NAA35: variants seen among roughly 807,000 people sequenced by gnomAD.
NAA35 encodes the protein MAK10 homolog, amino-acid N-acetyltransferase subunit.
A neutral mutation model predicts 101.7 loss-of-function variants in NAA35; 18 were observed. That is an observed-to-expected ratio of 0.18 (90% CI 0.12 to 0.26). The LOEUF (loss-of-function observed/expected upper bound fraction) is 0.26. NAA35 is among the 10% of genes least tolerant of loss of function. NAA35 has a pLI of 1.00. For synonymous variants in NAA35, 267 were observed against 273.1 expected, an observed-to-expected ratio of 0.98 and a Z score of 0.22; for missense variants, 601 against 886.8, an observed-to-expected ratio of 0.68 and a Z score of 4.09.
At chr9:85,983,395 T>C (rs1261570464) in intron 11 of NAA35, among the ~76,000 whole-genome samples, 2 of 152,258 alleles carry the variant, frequency 1.3e-5, no homozygotes, top group East Asian at 3.9e-4. Context: ...TATGCTAATT[T>C]CAGCAATTCC....
chr9:85,960,298 G>A (rs1020186723), intron 5 of NAA35, among the ~76,000 whole-genome samples: 1 of 152,002 alleles, frequency 6.6e-6, no homozygotes, highest in African/African-American at 2.4e-5. Context: ...TTAGTGATTT[G>A]TATATGCTGA....
intron 14 of NAA35, among the ~76,000 whole-genome samples, chr9:86,009,157 T>G (rs1296403520): frequency 6.6e-6 from 1 of 152,222 alleles, no homozygotes; most frequent in Non-Finnish European, 1.5e-5. Context: ...ATTTTTAGAT[T>G]GAGAGAGCCT....
rs193176296 is a variant in NAA35 at position 86,023,481 on chromosome 9, C to T, written c.*1521C>T. On this transcript the variant is annotated 3_prime_UTR_variant, in exon 23 of 23. Transcript: ENST00000361671. ...AGAATGAGCATGGACATTTGGCAAA[C>T]AACCAAGAAGAGAGCCTGAAGCAAG... 3.3e-5 allele frequency among the ~76,000 whole-genome samples: 5 copies of T among 152,266 alleles called. No individual in the cohort carries two copies. Among genetic ancestry groups the T allele is most frequent in the Admixed American group, 3.3e-4 (5 of 15,302 alleles).
chr9:86,007,603 A>C (rs536179875), intron 14 of NAA35, 139 bp downstream of exon 14: 1 of 564,812 alleles, frequency 1.8e-6, no homozygotes, highest in East Asian at 2.9e-5. Context: ...TGTTAAAATT[A>C]ATTGATCTCT....
chr9:85,952,241 T>C (rs2118297445), intron 2 of NAA35, among the ~76,000 whole-genome samples: 1 of 152,196 alleles, frequency 6.6e-6, no homozygotes, highest in East Asian at 1.9e-4. Flanking sequence ...TTCTTTTTTT[T>C]TTTCAGGTAA....
chr9:85,986,686 A>G (rs1445032936), intron 11 of NAA35: 3 of 311,576 alleles, frequency 9.6e-6, no homozygotes, highest in South Asian at 7.3e-5. Context: ...CCGGGTTCAA[A>G]TGATTCTCTT....
At chr9:85,950,096 A>G (rs922344800) in intron 2 of NAA35, among the ~76,000 whole-genome samples, 1 of 152,206 alleles carries the variant, frequency 6.6e-6, no homozygotes, top group Non-Finnish European at 1.5e-5. Context: ...CTGGTTGGAT[A>G]AGGCCCAATT....
chr9:86,000,661 TC>T (rs1324937093), intron 12 of NAA35, among the ~76,000 whole-genome samples: 8 of 152,132 alleles, frequency 5.3e-5, no homozygotes, highest in African/African-American at 1.9e-4. Context: ...ATCCATCTCT[TC>T]TAGGTTTTCT....
intron 11 of NAA35, among the ~76,000 whole-genome samples, chr9:85,982,435 C>T (rs775829349): frequency 2.0e-5 from 3 of 152,140 alleles, no homozygotes; most frequent in East Asian, 1.9e-4. Context: ...AAGTTTAGCT[C>T]ATCCTTTAAA....
intron 11 of NAA35, among the ~76,000 whole-genome samples, chr9:85,992,184 A>AAAAT: frequency 6.6e-6 from 1 of 151,024 alleles, no homozygotes; most frequent in South Asian, 2.1e-4. Context: ...AAAAAAAAAA[A>AAAAT]AATAATAAAA....
Position 85,956,304 on chromosome 9 carries a change from A to G in NAA35, c.125-56A>G, listed in dbSNP as rs920676077. On this transcript the variant is annotated intron_variant, in intron 2 of 22. Coordinates refer to ENST00000361671, the MANE Select transcript of NAA35 (RefSeq NM_024635.4). ...CAGGTGCTAATGTCTTTTTTTTCTT[A>G]GAATTAAAAGTTAAATATAAATATG... 2.5e-5 allele frequency: 27 copies of G among 1,078,874 alleles called. No individual in the cohort carries two copies. The Admixed American group carries it at 7.3e-4, about 29-fold the overall frequency. The allele number at this position is 1,078,874 out of a possible 1,614,324, so 66.8% of individuals were successfully genotyped here.
intron 2 of NAA35, among the ~76,000 whole-genome samples, chr9:85,950,865 G>C (rs866854772): frequency 1.1e-4 from 16 of 151,976 alleles, no homozygotes; most frequent in South Asian, 6.2e-4. Flanking sequence ...GGCCGGGCAC[G>C]GTGGCTCACG....
Position 85,978,381 on chromosome 9 carries a change from G to T in NAA35, c.877G>T (p.Asp293Tyr). ...IQAQNDTTKG[D>Y]HPIMMGFEPL... ...GGCCCAGAATGATACTACAAAAGGA[G>T]GTAATTGTTCAATTTGCTCCTACTC... Residue 293 changes from aspartate to tyrosine, a missense_variant and splice_region_variant, in exon 11 of 23, where the codon GAT (aspartate) becomes TAT (tyrosine). This residue lies in a region of NAA35 where 190 missense variants were observed against 223.1 expected (regional missense o/e 0.85). Transcript: ENST00000361671. 1 of 1,573,560 alleles carries T rather than the reference G, an allele frequency of 6.4e-7. No homozygotes were observed. The highest frequency in any genetic ancestry group is 8.7e-7 in the Non-Finnish European group (1 of 1,143,414).
chr9:85,966,525 A>G, intron 6 of NAA35: 4 of 760,694 alleles, frequency 5.3e-6, no homozygotes, highest in Non-Finnish European at 7.4e-6. Context: ...TCCAGGAAAT[A>G]CAAATGAAAA....
chr9:85,946,188 A>G (rs1222031804), intron 2 of NAA35, among the ~76,000 whole-genome samples: 1 of 152,068 alleles, frequency 6.6e-6, no homozygotes, highest in Non-Finnish European at 1.5e-5. Flanking sequence ...CCCAGGCTGA[A>G]GTGCATACAA....
At chr9:85,954,676 A>C (rs1829160857) in intron 2 of NAA35, among the ~76,000 whole-genome samples, 1 of 152,168 alleles carries the variant, frequency 6.6e-6, no homozygotes, top group South Asian at 2.1e-4. Flanking sequence ...TGATTAGTTT[A>C]GCTTGGGGCC....
rs1263245094 is a variant in NAA35, at chr9:86,024,061, A to G, written c.*2101A>G. 6.6e-6 allele frequency among the ~76,000 whole-genome samples: 1 copy of G among 152,244 alleles called. No homozygotes were observed. The highest frequency in any genetic ancestry group is 1.5e-5 in the Non-Finnish European group (1 of 68,042). ...AATTTTTAAAGTAATCTGCCATTCA[A>G]GGTACTTACTGAAAAAAACAATAGG... On this transcript the variant is annotated 3_prime_UTR_variant, in exon 23 of 23. Transcript: ENST00000361671.
intron 6 of NAA35, among the ~76,000 whole-genome samples, chr9:85,973,402 G>T (rs1289333657): frequency 1.3e-5 from 2 of 152,178 alleles, no homozygotes; most frequent in East Asian, 3.9e-4. Context: ...TGTGGTAGGT[G>T]GGGGAGTTGT....
intron 21 of NAA35, among the ~76,000 whole-genome samples, chr9:86,019,366 C>T (rs1442066984): frequency 1.3e-5 from 2 of 152,162 alleles, no homozygotes; most frequent in Admixed American, 6.5e-5. Context: ...GAGGCTGAGG[C>T]AGGAGAATCA....
Sources: gnomAD v4.1 joint callset for allele counts (sites outside exome capture counted in the v4.1 genomes callset) on GRCh38, gnomAD v4.1.1 for gene constraint, gnomAD v4.1.1 regional missense constraint, MANE v1.5 for transcripts, NCBI Gene and HGNC (gene_info 2026-07-23, HGNC 2026-07-21) for gene names.